PRKCA: variants seen among roughly 807,000 people sequenced by gnomAD.
The protein encoded by PRKCA is protein kinase C alpha type.
In PRKCA, 27 loss-of-function variants were observed where a neutral mutation model predicts 87.0. The observed-to-expected ratio is 0.31, with a 90% CI of 0.23 to 0.43. The LOEUF is 0.43. PRKCA is among the 20% of genes least tolerant of loss of function. PRKCA has a pLI of 1.00. For missense variants in PRKCA, 518 were observed against 852.3 expected (o/e 0.61, Z 4.88); for synonymous variants, 329 against 311.1 (o/e 1.06, Z -0.61).
chr17:66,657,872 C>G (rs1214499897), intron 5 of PRKCA, among the ~76,000 whole-genome samples: 2 of 151,994 alleles, frequency 1.3e-5, no homozygotes, highest in Non-Finnish European at 2.9e-5. Context: ...AAAAAAATCC[C>G]AGCATACTTT....
chr17:66,640,186 T>G (rs1971252901), intron 3 of PRKCA, among the ~76,000 whole-genome samples: 1 of 152,102 alleles, frequency 6.6e-6, no homozygotes, highest in Non-Finnish European at 1.5e-5. Context: ...ATTTCCCAGC[T>G]TATAGATGAG....
chr17:66,542,323 G>A (rs1968012857), intron 3 of PRKCA, among the ~76,000 whole-genome samples: 1 of 152,132 alleles, frequency 6.6e-6, no homozygotes, highest in Non-Finnish European at 1.5e-5. Flanking sequence ...ATACAGTGGT[G>A]CTACTTGGCC....
chr17:66,661,055 T>C (rs1049696582), intron 5 of PRKCA, among the ~76,000 whole-genome samples: 26 of 152,182 alleles, frequency 1.7e-4, no homozygotes, highest in African/African-American at 6.0e-4. Flanking sequence ...CCCAAGATTC[T>C]CTTTCTGTAT....
At chr17:66,470,585 G>C (rs888963264) in intron 2 of PRKCA, among the ~76,000 whole-genome samples, 5 of 152,158 alleles carry the variant, frequency 3.3e-5, no homozygotes, top group African/African-American at 1.2e-4. Context: ...ACCTGGCCCG[G>C]CCTGGCTTTA....
intron 3 of PRKCA, chr17:66,638,469 G>C (rs1018832540): frequency 1.3e-5 from 2 of 151,944 alleles, no homozygotes; most frequent in African/African-American, 4.8e-5. Context: ...AAAAACTAGG[G>C]GAAAATGCTC....
intron 3 of PRKCA, among the ~76,000 whole-genome samples, chr17:66,635,372 T>C (rs1971125037): frequency 6.6e-6 from 1 of 152,222 alleles, no homozygotes; most frequent in Non-Finnish European, 1.5e-5. Context: ...GTCACAGGCA[T>C]CACCTGGAAG....
At chr17:66,580,524 A>T (rs1056731299) in intron 3 of PRKCA, among the ~76,000 whole-genome samples, 3 of 152,242 alleles carry the variant, frequency 2.0e-5, no homozygotes, top group African/African-American at 7.2e-5. Context: ...CTCCGCCTCC[A>T]GGGTTCCACG....
intron 5 of PRKCA, among the ~76,000 whole-genome samples, chr17:66,659,263 G>A (rs1201381845): frequency 1.3e-5 from 2 of 152,080 alleles, no homozygotes; most frequent in Non-Finnish European, 2.9e-5. Context: ...CTGCTGGTCC[G>A]GTGATTTTCA....
At chr17:66,320,866 C>T (rs1756911455) in intron 2 of PRKCA, among the ~76,000 whole-genome samples, 1 of 152,140 alleles carries the variant, frequency 6.6e-6, no homozygotes, top group Admixed American at 6.5e-5. Context: ...TTTAGTAGCT[C>T]CCTAAACAAG....
chr17:66,684,139 T>A (rs1355152725), intron 5 of PRKCA, among the ~76,000 whole-genome samples: 1 of 152,160 alleles, frequency 6.6e-6, no homozygotes, highest in African/African-American at 2.4e-5. Context: ...TGCTTACCAC[T>A]CCGTAAGCTG....
intron 3 of PRKCA, among the ~76,000 whole-genome samples, chr17:66,499,290 C>T (rs554222435): frequency 6.6e-6 from 1 of 151,746 alleles, no homozygotes; most frequent in African/African-American, 2.4e-5. Context: ...GTAGGGAAAC[C>T]AAGAAGGGGC....
rs764798278 is a variant in PRKCA at position 66,804,066 on chromosome 17, C to T, written c.*29C>T. On this transcript the variant is annotated 3_prime_UTR_variant, in exon 17 of 17. Coordinates refer to ENST00000413366, the MANE Select transcript of PRKCA (RefSeq NM_002737.3). ...TCACCAGCGAGAACAAACACCTCCCCAGCCCCCAGCCCTCCCCGCAGTGGG... is the reference window on the plus strand; with the variant it reads ...TCACCAGCGAGAACAAACACCTCCCTAGCCCCCAGCCCTCCCCGCAGTGGG... 2.5e-6 allele frequency: 4 copies of T among 1,585,610 alleles called. No individual in the cohort carries two copies. The highest frequency in any genetic ancestry group is 2.6e-6 in the Non-Finnish European group (3 of 1,158,796).
chr17:66,375,961 G>T (rs1378978052), intron 2 of PRKCA, among the ~76,000 whole-genome samples: 3 of 152,188 alleles, frequency 2.0e-5, no homozygotes, highest in Non-Finnish European at 1.5e-5. Context: ...ATAATGAAGT[G>T]CTGGGCACTT....
At position 66,792,818 on chromosome 17, in the gene PRKCA, G is replaced by A. The variant is rs1286220839; in HGVS notation, c.1854+3839G>A. 6.6e-6 allele frequency among the ~76,000 whole-genome samples: 1 copy of A among 152,220 alleles called. No individual in the cohort carries two copies. The highest frequency in any genetic ancestry group is 6.5e-5 in the Admixed American group (1 of 15,290). Reference sequence around the variant, plus strand: ...GGCAGTGGCCATCTCCCCTGGTGGTGGCAGGGTCCCATGGCGGTGGTCATC... The same window carrying A: ...GGCAGTGGCCATCTCCCCTGGTGGTAGCAGGGTCCCATGGCGGTGGTCATC... On this transcript the variant is annotated intron_variant, in intron 16 of 16. Coordinates refer to ENST00000413366, the MANE Select transcript of PRKCA (RefSeq NM_002737.3). The surrounding 1 kb of genome is among the most constrained non-coding windows in gnomAD (Gnocchi z 4.5).
intron 8 of PRKCA, 132 bp from the exon 9 acceptor site, chr17:66,732,556 T>C (rs1973928964): frequency 1.8e-6 from 2 of 1,112,472 alleles, no homozygotes; most frequent in Non-Finnish European, 2.7e-6. Context: ...TACTCAATTC[T>C]CACCCTTTGT....
chr17:66,436,334 G>A (rs532574943), intron 2 of PRKCA, among the ~76,000 whole-genome samples: 2 of 152,236 alleles, frequency 1.3e-5, no homozygotes, highest in South Asian at 4.2e-4. Context: ...GTCAAACCCC[G>A]GTTCTACCAG....
intron 3 of PRKCA, among the ~76,000 whole-genome samples, chr17:66,595,313 G>A (rs62071751): frequency 0.13 from 19,048 of 152,006 alleles, 1,251 homozygotes; most frequent in Middle Eastern, 0.21. Context: ...GATTACAGGT[G>A]TGAGCCACTG....
intron 2 of PRKCA, among the ~76,000 whole-genome samples, chr17:66,315,130 A>G (rs1006245710): frequency 3.9e-5 from 6 of 152,168 alleles, no homozygotes; most frequent in Admixed American, 3.3e-4. Flanking sequence ...AAACACTACA[A>G]CTGATAGCCA....
chr17:66,540,973 G>A (rs1164293766), intron 3 of PRKCA, among the ~76,000 whole-genome samples: 1 of 152,196 alleles, frequency 6.6e-6, no homozygotes, highest in Non-Finnish European at 1.5e-5. Context: ...GACAAGGTAT[G>A]TGCAAGTATT....
Sources: gnomAD v4.1 joint callset for allele counts (sites outside exome capture counted in the v4.1 genomes callset) on GRCh38, gnomAD v4.1.1 for gene constraint, Gnocchi (gnomAD v3.1) non-coding constraint, MANE v1.5 for transcripts, NCBI Gene and HGNC (gene_info 2026-07-23, HGNC 2026-07-21) for gene names.